Variants in SAAL1 observed in about 807,000 individuals in gnomAD.
SAAL1 encodes the protein serum amyloid A like 1.
SAAL1 carries 42 observed loss-of-function variants against 59.8 expected under a neutral mutation model. The ratio of observed to expected loss-of-function variants is 0.70; its 90% CI spans 0.55 to 0.91. The LOEUF (loss-of-function observed/expected upper bound fraction) is 0.91. SAAL1 is among the 40% of genes least tolerant of loss of function. The pLI is 0.00. For synonymous variants in SAAL1, 191 were observed against 194.3 expected, an observed-to-expected ratio of 0.98 and a Z score of 0.14; for missense variants, 542 against 561.1, an observed-to-expected ratio of 0.97 and a Z score of 0.34.
chr11:18,105,899 T>C lies in SAAL1; in HGVS notation c.135+8A>G. 6.3e-7 allele frequency: 1 copy of C among 1,592,862 alleles called. No individual in the cohort carries two copies. The highest frequency in any genetic ancestry group is 8.5e-7 in the Non-Finnish European group (1 of 1,170,756). On this transcript the variant is annotated splice_region_variant and intron_variant, in intron 1 of 11. Transcript: ENST00000524803. ...GGGACACCCCACGCGTGGCGCGAGT[T>C]TCCACACCTGGATGAGTCCGCTGAG...
rs1014173215 is a variant in SAAL1, at chr11:18,083,479, C to T, written c.1239+56G>A. 12 of 985,256 alleles carry T rather than the reference C, an allele frequency of 1.2e-5. No individual in the cohort carries two copies. In the African/African-American group the frequency reaches 1.6e-4, roughly 13 times the overall value. 61.0% of individuals were successfully genotyped at this position (985,256 alleles called of 1,614,324 possible). On this transcript the variant is annotated intron_variant, in intron 10 of 11. Transcript: ENST00000524803. Reference sequence around the variant, plus strand: ...ATTTAAAAAAAAATAAAGTTTGAAGCGTTAAGCAACCCACACTTTCTTTTG... The same window carrying T: ...ATTTAAAAAAAAATAAAGTTTGAAGTGTTAAGCAACCCACACTTTCTTTTG...
At position 18,090,492 on chromosome 11, in the gene SAAL1, G is replaced by A; in HGVS notation, c.415C>T (p.Gln139Ter). The A allele has an allele frequency of 1.2e-6, 2 of 1,603,738 alleles. No individual in the cohort carries two copies. The highest frequency in any genetic ancestry group is 2.2e-5 in the East Asian group (1 of 44,764). ...TCATACAAACAGTGCAATAACACCT[G>A]CCTACAAAAACAAAGAAGTTAACCG... Reference protein sequence around the residue: ...VSISSDKNLGQVLLHCLYDSD... With the variant: ...VSISSDKNLG The change falls in exon 5 of 12, where the codon CAG (glutamine) becomes TAG (stop). Residue 139 changes from glutamine (Q) to a stop codon, truncating the protein, a stop_gained and splice_region_variant. Transcript: ENST00000524803. LOFTEE classifies it high-confidence loss of function.
chr11:18,091,062 A>AT (rs1454821184), intron 4 of SAAL1: 1 of 152,244 alleles, frequency 6.6e-6, no homozygotes, highest in Admixed American at 6.5e-5. Context: ...AAATAACACA[A>AT]TTTATTTTTC....
Position 18,106,069 on chromosome 11 carries a change from C to T in SAAL1, c.-28G>A, listed in dbSNP as rs752712000. 1.1e-5 allele frequency: 18 copies of T among 1,583,042 alleles called. No individual in the cohort carries two copies. Among genetic ancestry groups the T allele is most frequent in the Non-Finnish European group, 1.5e-5 (18 of 1,171,628 alleles). On this transcript the variant is annotated 5_prime_UTR_variant, in exon 1 of 12. Transcript: ENST00000524803. ...CTTTGTCGCGTCCCGCGCTTGAAGG[C>T]CGTGCCGGAAGCTGCGGAGGAGACG...
intron 2 of SAAL1, among the ~76,000 whole-genome samples, chr11:18,099,211 G>A (rs1848606907): frequency 6.6e-6 from 1 of 152,150 alleles, no homozygotes; most frequent in Non-Finnish European, 1.5e-5. Flanking sequence ...TCCAACTACT[G>A]GGCTCAAGTG....
In SAAL1 at chr11:18,090,504, AAAG is replaced by A; in HGVS notation, c.414-14_414-12del. On this transcript the variant is annotated splice_polypyrimidine_tract_variant and intron_variant, in intron 4 of 11. Transcript: ENST00000524803. ...TGCAATAACACCTGCCTACAAAAAC[AAAG>A]AAGTTAACCGATATGCCTCACTTCT... The A allele has an allele frequency of 4.4e-6, 7 of 1,600,890 alleles. No homozygotes were observed. The highest frequency in any genetic ancestry group is 1.1e-5 in the South Asian group (1 of 87,764).
chr11:18,089,277 A>G, intron 7 of SAAL1, 53 bp downstream of exon 7: 1 of 1,425,256 alleles, frequency 7.0e-7, no homozygotes, highest in Non-Finnish European at 9.4e-7. Flanking sequence ...ATCTGAGAAT[A>G]CTTCTAGCAA....
Position 18,096,843 on chromosome 11 carries a change from TA to T in SAAL1, c.260del (p.Leu87TyrfsTer24). The T allele has an allele frequency of 6.4e-7, 1 of 1,566,536 alleles. No individual in the cohort carries two copies. Among genetic ancestry groups the T allele is most frequent in the Non-Finnish European group, 8.7e-7 (1 of 1,144,814 alleles). The stretch of plus-strand genomic sequence containing the variant: ...CAGGAGCATTAAATTCTTGGAGAAA[TA>T]AAGCCACGTCCTGAAAAGAAAAATG... ...WDMSMDEDVA[L>X]FLQEFNAPDI... On this transcript the variant is annotated frameshift_variant, in exon 3 of 12. Transcript: ENST00000524803. LOFTEE classifies it high-confidence loss of function.
intron 2 of SAAL1, among the ~76,000 whole-genome samples, chr11:18,102,271 T>G (rs11024488): frequency 0.41 from 62,882 of 151,692 alleles, 13,665 homozygotes; most frequent in African/African-American, 0.52. Context: ...GATTGGTGGC[T>G]CACACCTGTA....
intron 2 of SAAL1, among the ~76,000 whole-genome samples, chr11:18,099,594 C>T (rs925675427): frequency 6.6e-6 from 1 of 152,150 alleles, no homozygotes; most frequent in African/African-American, 2.4e-5. Flanking sequence ...TGACATTATG[C>T]TTTGATGAGA....
intron 3 of SAAL1, among the ~76,000 whole-genome samples, chr11:18,095,175 T>C (rs564702574): frequency 6.6e-6 from 1 of 152,278 alleles, no homozygotes; most frequent in South Asian, 2.1e-4. Flanking sequence ...GATTCTAACA[T>C]GCAGCCAAGG....
intron 2 of SAAL1, among the ~76,000 whole-genome samples, chr11:18,098,358 G>A (rs1848599517): frequency 6.6e-6 from 1 of 152,210 alleles, no homozygotes; most frequent in African/African-American, 2.4e-5. Context: ...GTAACACACA[G>A]GTGACATGTG....
intron 4 of SAAL1, among the ~76,000 whole-genome samples, chr11:18,091,234 C>T (rs944219542): frequency 7.2e-6 from 1 of 138,268 alleles, no homozygotes; most frequent in Non-Finnish European, 1.6e-5. Flanking sequence ...TATGTTCCAA[C>T]GTGACCAGAT....
chr11:18,104,325 A>T (rs1443783942), intron 1 of SAAL1, among the ~76,000 whole-genome samples: 2 of 152,174 alleles, frequency 1.3e-5, no homozygotes, highest in Non-Finnish European at 2.9e-5. Flanking sequence ...ATCTTCTTTT[A>T]AAAATGTAGT....
Position 18,096,862 on chromosome 11 carries a change from GAA to G in SAAL1, c.250-10_250-9del. ...GAGAAATAAAGCCACGTCCTGAAAAGAAAAATGATTATTAACTTGGATGTTGA... is the reference window on the plus strand; with the variant it reads ...GAGAAATAAAGCCACGTCCTGAAAAGAAATGATTATTAACTTGGATGTTGA... On this transcript the variant is annotated splice_polypyrimidine_tract_variant and intron_variant, in intron 2 of 11. Coordinates refer to ENST00000524803, the MANE Select transcript of SAAL1 (RefSeq NM_138421.3). 1 of 1,440,546 alleles carries G rather than the reference GAA, an allele frequency of 6.9e-7. No homozygotes were observed. The highest frequency in any genetic ancestry group is 1.2e-5 in the South Asian group (1 of 84,488). The allele number at this position is 1,440,546 out of a possible 1,614,324, so 89.2% of individuals were successfully genotyped here. A position where few individuals can be genotyped will look rare whatever the true frequency, so the allele number is the denominator to read the frequency against.
chr11:18,082,216 T>C (rs576274301), intron 10 of SAAL1, among the ~76,000 whole-genome samples: 1 of 152,186 alleles, frequency 6.6e-6, no homozygotes, highest in African/African-American at 2.4e-5. Context: ...AAAAAATACA[T>C]GCGATAAATA....
intron 1 of SAAL1, among the ~76,000 whole-genome samples, chr11:18,105,206 G>A (rs1000141027): frequency 6.6e-6 from 1 of 151,900 alleles, no homozygotes; most frequent in Non-Finnish European, 1.5e-5. Flanking sequence ...GTCTTACTCC[G>A]TCCCCCAGCC....
chr11:18,093,001 G>A (rs887414888), intron 3 of SAAL1, among the ~76,000 whole-genome samples: 2 of 152,066 alleles, frequency 1.3e-5, no homozygotes, highest in African/African-American at 4.8e-5. Context: ...AACAATTCAT[G>A]TTTTAAATTG....
intron 9 of SAAL1, among the ~76,000 whole-genome samples, chr11:18,085,858 C>A (rs1564869854): frequency 6.6e-6 from 1 of 151,984 alleles, no homozygotes; most frequent in African/African-American, 2.4e-5. Context: ...AAAACTGATA[C>A]CACTAGAACC....
Sources: gnomAD v4.1 joint callset for allele counts (sites outside exome capture counted in the v4.1 genomes callset) on GRCh38, gnomAD v4.1.1 for gene constraint, MANE v1.5 for transcripts, NCBI Gene and HGNC (gene_info 2026-07-23, HGNC 2026-07-21) for gene names.